The following ST3GAL3 variants were observed in gnomAD, a reference collection of about 807,000 sequenced individuals.
The protein encoded by ST3GAL3 is ST3 beta-galactoside alpha-2,3-sialyltransferase 3, also known as CMP-N-acetylneuraminate-beta-1,4-galactoside alpha-2,3-sialyltransferase.
Under a neutral mutation model 50.1 loss-of-function variants are expected in ST3GAL3, and 21 were observed. The observed-to-expected ratio is 0.42, with a 90% CI of 0.30 to 0.60. The LOEUF (loss-of-function observed/expected upper bound fraction) is 0.60, where lower values mean the gene tolerates loss of function less well. ST3GAL3 is among the 20% of genes least tolerant of loss of function. ST3GAL3 has a pLI of 0.19. For synonymous variants in ST3GAL3, 183 were observed against 190.0 expected, an observed-to-expected ratio of 0.96 and a Z score of 0.30; for missense variants, 353 against 489.4, an observed-to-expected ratio of 0.72 and a Z score of 2.63.
intron 6 of ST3GAL3, among the ~76,000 whole-genome samples, chr1:43,897,668 G>A (rs2077585737): frequency 6.6e-6 from 1 of 152,160 alleles, no homozygotes; most frequent in South Asian, 2.1e-4. Flanking sequence ...AAAGAGGTGA[G>A]GAGGTAAAGA....
chr1:43,716,960 C>A (rs1431005111), intron 1 of ST3GAL3, among the ~76,000 whole-genome samples: 1 of 152,164 alleles, frequency 6.6e-6, no homozygotes, highest in East Asian at 1.9e-4. Context: ...TATTGCTACA[C>A]GAGCAACCTT....
At chr1:43,803,321 C>T (rs1215898679) in intron 3 of ST3GAL3, among the ~76,000 whole-genome samples, 1 of 151,180 alleles carries the variant, frequency 6.6e-6, no homozygotes, top group Admixed American at 6.6e-5. Flanking sequence ...GGGAGGATCA[C>T]TTGGGCCCAG....
intron 5 of ST3GAL3, among the ~76,000 whole-genome samples, chr1:43,843,530 A>G (rs985757590): frequency 1.3e-5 from 2 of 152,194 alleles, no homozygotes; most frequent in African/African-American, 4.8e-5. Flanking sequence ...GTCTTTGGTC[A>G]TGAAAGATAC....
chr1:43,867,193 G>C (rs1330963951), intron 5 of ST3GAL3, among the ~76,000 whole-genome samples: 1 of 152,156 alleles, frequency 6.6e-6, no homozygotes, highest in Non-Finnish European at 1.5e-5. Flanking sequence ...GCGCAGGAAA[G>C]ACCCACCCCT....
At chr1:43,715,559 G>A (rs1244604605) in intron 1 of ST3GAL3, among the ~76,000 whole-genome samples, 1 of 149,866 alleles carries the variant, frequency 6.7e-6, no homozygotes, top group Non-Finnish European at 1.5e-5. Flanking sequence ...CTGGGGGACA[G>A]AGTGAGACTC....
chr1:43,908,961 T>G (rs1224182915), intron 9 of ST3GAL3, among the ~76,000 whole-genome samples: 1 of 152,140 alleles, frequency 6.6e-6, no homozygotes, highest in Non-Finnish European at 1.5e-5. Flanking sequence ...CGCCATGTAC[T>G]CTCCACTCTG....
intron 2 of ST3GAL3, chr1:43,772,425 G>C (rs1695620697): frequency 6.1e-6 from 1 of 164,208 alleles, no homozygotes; most frequent in South Asian, 2.0e-4. Context: ...TAGAGCGCTT[G>C]TGACAGACTC....
At chr1:43,920,595 A>G (rs748942993) in intron 10 of ST3GAL3, 45 bp downstream of exon 10, 4 of 1,608,736 alleles carry the variant, frequency 2.5e-6, no homozygotes, top group Non-Finnish European at 1.7e-6. Flanking sequence ...AAGCTGGGTC[A>G]GAAGTGCCTT....
chr1:43,797,194 A>G (rs1325700099), intron 3 of ST3GAL3, among the ~76,000 whole-genome samples: 1 of 152,236 alleles, frequency 6.6e-6, no homozygotes, highest in Non-Finnish European at 1.5e-5. Context: ...GTGAGACCCT[A>G]TCTCTAAAAA....
chr1:43,852,665 A>G (rs1343961102), intron 5 of ST3GAL3, among the ~76,000 whole-genome samples: 2 of 152,248 alleles, frequency 1.3e-5, no homozygotes, highest in Non-Finnish European at 2.9e-5. Context: ...TTTAGTGGAA[A>G]GAGTTTCTGA....
At chr1:43,761,732 C>T (rs1690435999) in intron 2 of ST3GAL3, among the ~76,000 whole-genome samples, 2 of 151,310 alleles carry the variant, frequency 1.3e-5, no homozygotes, top group Non-Finnish European at 2.9e-5. Flanking sequence ...GGGCGGATCA[C>T]GAGGTCAGGA....
At chr1:43,902,999 G>A (rs963916365) in intron 9 of ST3GAL3, among the ~76,000 whole-genome samples, 1 of 152,204 alleles carries the variant, frequency 6.6e-6, no homozygotes, top group Admixed American at 6.5e-5. Flanking sequence ...CAGCTCTGGG[G>A]CAGGTGGGGG....
rs77686984 is a variant in ST3GAL3, at chr1:43,724,080, A to G, written c.-30-12153A>G. On this transcript the variant is annotated intron_variant, in intron 1 of 11. Coordinates refer to ENST00000347631, the MANE Select transcript of ST3GAL3 (RefSeq NM_006279.5). Reference sequence around the variant, plus strand: ...CTCTATATTTAAAATTGTTGTGTGTATATGTAATATATGTATGCATATATA... The same window carrying G: ...CTCTATATTTAAAATTGTTGTGTGTGTATGTAATATATGTATGCATATATA... 9.3e-3 allele frequency among the ~76,000 whole-genome samples: 1,423 copies of G among 152,234 alleles called. 27 individuals are homozygous for G. Among genetic ancestry groups the G allele is most frequent in the African/African-American group, 0.033 (1,389 of 41,512 alleles).
chr1:43,928,474 C>T (rs1199577696), intron 11 of ST3GAL3, among the ~76,000 whole-genome samples: 1 of 152,074 alleles, frequency 6.6e-6, no homozygotes, highest in Non-Finnish European at 1.5e-5. Flanking sequence ...GTGGCAGGCA[C>T]CTGTAGTTCC....
intron 5 of ST3GAL3, among the ~76,000 whole-genome samples, chr1:43,863,917 C>T (rs528843609): frequency 6.6e-6 from 1 of 152,224 alleles, no homozygotes; most frequent in African/African-American, 2.4e-5. Context: ...CTGCCCCTCC[C>T]TGAACCCCTA....
At position 43,730,571 on chromosome 1, in the gene ST3GAL3, CTT is replaced by C. The variant is rs11318191; in HGVS notation, c.-30-5645_-30-5644del. On this transcript the variant is annotated intron_variant, in intron 1 of 11. Coordinates refer to ENST00000347631, the MANE Select transcript of ST3GAL3 (RefSeq NM_006279.5). ...TTTTTTTCTTTCTTTTCTTTTCTTT[CTT>C]TTTTTTTTTTTTTTTTAGACAGAGT... is the stretch of plus-strand genomic sequence containing the variant. 9.7e-3 allele frequency among the ~76,000 whole-genome samples: 1,190 copies of C among 122,342 alleles called. 17 individuals carry two copies. Among genetic ancestry groups the C allele is most frequent in the African/African-American group, 0.035 (1,102 of 31,678 alleles). 80.3% of individuals were successfully genotyped at this position (122,342 alleles called of 152,430 possible). A position where few individuals can be genotyped will look rare whatever the true frequency, so the allele number is the denominator to read the frequency against.
chr1:43,878,594 G>C (rs2154253828), intron 5 of ST3GAL3, among the ~76,000 whole-genome samples: 1 of 152,290 alleles, frequency 6.6e-6, no homozygotes. Flanking sequence ...TGTGGCTGGG[G>C]GACTGTGAAC....
At position 43,899,846 on chromosome 1, in the gene ST3GAL3, G is replaced by A. The variant is rs188305129; in HGVS notation, c.744+119G>A. The A allele has an allele frequency of 9.9e-4, 1,088 of 1,102,310 alleles. 2 individuals carry two copies. The highest frequency in any genetic ancestry group is 1.4e-3 in the Non-Finnish European group (1,024 of 742,320). The allele number at this position is 1,102,310 out of a possible 1,614,324, so 68.3% of individuals were successfully genotyped here. On this transcript the variant is annotated intron_variant, in intron 9 of 11. Coordinates refer to ENST00000347631, the MANE Select transcript of ST3GAL3 (RefSeq NM_006279.5). This position sits in a 1 kb window ranked among gnomAD's most constrained non-coding sequence, Gnocchi z 5.4. The stretch of plus-strand genomic sequence containing the variant: ...AAGAACCTTCAAAGGAAACATTAAT[G>A]ACCCAAAGCCGAAATCACCCAATGG...
intron 11 of ST3GAL3, 37 bp from the exon 12 acceptor site, chr1:43,930,095 G>C: frequency 6.3e-7 from 1 of 1,597,522 alleles, no homozygotes; most frequent in Non-Finnish European, 8.6e-7. Flanking sequence ...AAAGGTTTGA[G>C]CAAAGGCCCA....
Sources: allele counts gnomAD v4.1 joint callset (sites outside exome capture counted in the v4.1 genomes callset), GRCh38; gene constraint gnomAD v4.1.1; non-coding constraint Gnocchi (gnomAD v3.1); transcripts MANE v1.5; gene names NCBI Gene and HGNC (gene_info 2026-07-23, HGNC 2026-07-21).